Variants in CACNB1 observed in about 807,000 individuals in gnomAD.
CACNB1 encodes voltage-dependent L-type calcium channel subunit beta-1.
In CACNB1, 29 loss-of-function variants were observed where a neutral mutation model predicts 71.6. The observed-to-expected ratio is 0.40, with a 90% CI of 0.30 to 0.55. The LOEUF (loss-of-function observed/expected upper bound fraction) is 0.55, where lower values mean the gene tolerates loss of function less well. Ranked by LOEUF, CACNB1 falls within the 20% of genes least tolerant of loss-of-function variation. CACNB1 has a pLI of 0.38. For missense variants in CACNB1, 623 were observed against 801.8 expected, an observed-to-expected ratio of 0.78 and a Z score of 2.69; for synonymous variants, 300 against 319.6, an observed-to-expected ratio of 0.94 and a Z score of 0.65.
At position 39,191,604 on chromosome 17, in the gene CACNB1, A is replaced by G; in HGVS notation, c.172-11T>C. 6.2e-7 allele frequency: 1 copy of G among 1,608,056 alleles called. No homozygotes were observed. The highest frequency in any genetic ancestry group is 1.3e-5 in the African/African-American group (1 of 74,534). On this transcript the variant is annotated splice_polypyrimidine_tract_variant and intron_variant, in intron 2 of 13. Transcript: ENST00000394303. ...GGACTCCGCTGAGCCCTGAAAATAG[A>G]GAGAGCCAGATCAGGGCCATTGCTG...
chr17:39,187,686 T>G, intron 3 of CACNB1, 85 bp from the exon 4 acceptor site: 1 of 1,458,358 alleles, frequency 6.9e-7, no homozygotes, highest in Non-Finnish European at 9.6e-7. Flanking sequence ...TGGTGGTTAC[T>G]TGGATGTTTA....
intron 13 of CACNB1, 183 bp downstream of exon 13, chr17:39,177,167 G>C: frequency 2.1e-6 from 3 of 1,436,904 alleles, no homozygotes; most frequent in Non-Finnish European, 2.7e-6. Flanking sequence ...ACAAAATAAA[G>C]CTCTTCCCTT....
At position 39,173,562 on chromosome 17, in the gene CACNB1, GGT is replaced by G. The variant is rs149535039; in HGVS notation, c.*1629_*1630del. ...CTTTGGCTCTACTTGTGGAGAGACA[GGT>G]AAGTGAAGGGGCTCAGGGCCAGTGT... On this transcript the variant is annotated 3_prime_UTR_variant, in exon 14 of 14. Transcript: ENST00000394303. 0.052 allele frequency: 7,872 copies of G among 152,480 alleles called. 248 individuals are homozygous for G. Among genetic ancestry groups the G allele is most frequent in the East Asian group, 0.098 (518 of 5,308 alleles). The allele number at this position is 152,480 out of a possible 1,614,324, so 9.4% of individuals were successfully genotyped here. A position where few individuals can be genotyped will look rare whatever the true frequency, so the allele number is the denominator to read the frequency against.
At chr17:39,177,640 C>T in intron 12 of CACNB1, 105 bp from the exon 13 acceptor site, 5 of 902,280 alleles carry the variant, frequency 5.5e-6, no homozygotes, top group South Asian at 1.7e-5. Context: ...GATTGAAGGA[C>T]AAGGTTAAAA....
rs764915933 is a variant in CACNB1, at chr17:39,186,065, AGG to A, written c.628+429_628+430del. The A allele has an allele frequency of 6.2e-7, 1 of 1,613,864 alleles. No homozygotes were observed. The highest frequency in any genetic ancestry group is 1.1e-5 in the South Asian group (1 of 91,070). On this transcript the variant is annotated intron_variant, in intron 6 of 13. Coordinates refer to ENST00000394303, the MANE Select transcript of CACNB1 (RefSeq NM_000723.5). This position sits in a 1 kb window ranked among gnomAD's most constrained non-coding sequence, Gnocchi z 4.1. ...CTCAGCCTCTTCCTCCTCTAACTCT[AGG>A]GGGTCTAGTTCAAAGGCTAAGTTAG...
At chr17:39,188,385 G>C (rs1325699185) in intron 3 of CACNB1, among the ~76,000 whole-genome samples, 6 of 152,040 alleles carry the variant, frequency 3.9e-5, no homozygotes, top group Non-Finnish European at 7.4e-5. Flanking sequence ...GACCAGCCTA[G>C]CCAAGATGGT....
intron 3 of CACNB1, among the ~76,000 whole-genome samples, chr17:39,187,950 T>C (rs1167956185): frequency 6.6e-6 from 1 of 151,634 alleles, no homozygotes; most frequent in African/African-American, 2.4e-5. Context: ...AAGGTGGAGG[T>C]TGCAGTGAGC....
chr17:39,189,091 G>A (rs191949373), intron 3 of CACNB1, among the ~76,000 whole-genome samples: 1 of 151,782 alleles, frequency 6.6e-6, no homozygotes, highest in South Asian at 2.1e-4. Flanking sequence ...TAGGCCGGGC[G>A]CAATGGCTCA....
chr17:39,175,650 T>C lies in CACNB1; in HGVS notation c.1340A>G (p.Tyr447Cys). The change falls in exon 14 of 14, where the codon TAC (tyrosine) becomes TGC (cysteine). Residue 447 changes from tyrosine to cysteine, a missense_variant. Tyr to Cys is a radical substitution (Grantham distance 194, BLOSUM62 -2). Transcript: ENST00000394303. The surrounding 1 kb of genome is among the most constrained non-coding windows in gnomAD (Gnocchi z 4.7). ...PAPVSNLQGP[Y>C]LASGDQPLER... Reference sequence around the variant, plus strand: ...CAGTGGCTGGTCCCCGGAAGCAAGGTAGGGTCCCTGGTTAGCAGACGGACA... The same window carrying C: ...CAGTGGCTGGTCCCCGGAAGCAAGGCAGGGTCCCTGGTTAGCAGACGGACA... 6.4e-7 allele frequency: 1 copy of C among 1,562,066 alleles called. No individual in the cohort carries two copies. The highest frequency in any genetic ancestry group is 8.7e-7 in the Non-Finnish European group (1 of 1,153,326).
At position 39,194,518 on chromosome 17, in the gene CACNB1, C is replaced by T. The variant is rs1027492591; in HGVS notation, c.171+366G>A. On this transcript the variant is annotated intron_variant, in intron 2 of 13. Coordinates refer to ENST00000394303, the MANE Select transcript of CACNB1 (RefSeq NM_000723.5). This position sits in a 1 kb window ranked among gnomAD's most constrained non-coding sequence, Gnocchi z 4.6. ...TTTCCTAGGACCTGCCTCCACCCAA[C>T]CCTGTCACAGATTCTGGGGGAGGAC... Among the ~76,000 whole-genome samples, 12 of 152,174 alleles carry T rather than the reference C, an allele frequency of 7.9e-5. No homozygotes were observed. The highest frequency in any genetic ancestry group is 2.9e-4 in the African/African-American group (12 of 41,444).
intron 3 of CACNB1, among the ~76,000 whole-genome samples, chr17:39,188,767 G>A (rs11871079): frequency 0.021 from 3,271 of 152,256 alleles, 57 homozygotes; most frequent in Non-Finnish European, 0.035. Flanking sequence ...AGCAGGCCGG[G>A]CACGGTGGCT....
At chr17:39,190,147 C>G (rs1339018799) in intron 3 of CACNB1, among the ~76,000 whole-genome samples, 1 of 151,752 alleles carries the variant, frequency 6.6e-6, no homozygotes, top group Non-Finnish European at 1.5e-5. Flanking sequence ...AGGGGCTGGG[C>G]ACAGTGGCCC....
chr17:39,194,464 T>C lies in CACNB1; in HGVS notation c.171+420A>G, dbSNP rs2046160614. On this transcript the variant is annotated intron_variant, in intron 2 of 13. Coordinates refer to ENST00000394303, the MANE Select transcript of CACNB1 (RefSeq NM_000723.5). The surrounding 1 kb of genome is among the most constrained non-coding windows in gnomAD (Gnocchi z 4.6). ...TCCCTGGCCAGGACCTCACCAGGAC[T>C]ACAGGGACCCAAACATCCTTGCTCT... 1.3e-5 allele frequency among the ~76,000 whole-genome samples: 2 copies of C among 152,144 alleles called. No homozygotes were observed. The highest frequency in any genetic ancestry group is 4.8e-5 in the African/African-American group (2 of 41,426).
In CACNB1 at chr17:39,185,883, CCCCTT is replaced by C. The variant is rs1232100720; in HGVS notation, c.628+608_628+612del. ...GTACCACATCTGAATCCATTACAGC[CCCCTT>C]CCCTCCACCAAAGTGCTGGCCCTGA... On this transcript the variant is annotated intron_variant, in intron 6 of 13. Transcript: ENST00000394303. The C allele has an allele frequency of 3.9e-5, 60 of 1,531,076 alleles. No individual in the cohort carries two copies. In the African/African-American group the frequency reaches 7.6e-4, roughly 19 times the overall value. 94.8% of individuals were successfully genotyped at this position (1,531,076 alleles called of 1,614,324 possible).
At chr17:39,195,143 A>T in intron 1 of CACNB1, 173 bp from the exon 2 acceptor site, 2 of 570,946 alleles carry the variant, frequency 3.5e-6, no homozygotes, top group East Asian at 6.0e-5. Context: ...AGGGTCTCCC[A>T]TCCTCACGGA....
At chr17:39,191,682 T>A in intron 2 of CACNB1, 89 bp from the exon 3 acceptor site, 1 of 1,402,052 alleles carries the variant, frequency 7.1e-7, no homozygotes, top group Non-Finnish European at 9.7e-7. Context: ...CCATCATGGA[T>A]GCCTCGAGCC....
chr17:39,191,787 T>C, intron 2 of CACNB1, 194 bp from the exon 3 acceptor site: 1 of 566,806 alleles, frequency 1.8e-6, no homozygotes, highest in South Asian at 2.4e-5. Context: ...CTGGGGAAAG[T>C]GTGGCCCTAG....
intron 11 of CACNB1, among the ~76,000 whole-genome samples, chr17:39,182,729 A>G (rs1273360455): frequency 2.6e-5 from 4 of 151,236 alleles, no homozygotes; most frequent in African/African-American, 7.3e-5. Flanking sequence ...ATAAATAAAT[A>G]AATAAATAAA....
chr17:39,179,457 T>C (rs1165822674), intron 11 of CACNB1, among the ~76,000 whole-genome samples: 4 of 150,908 alleles, frequency 2.7e-5, no homozygotes, highest in African/African-American at 9.8e-5. Flanking sequence ...GGCAGGTGCC[T>C]GTAGACCCAG....
Sources: allele counts gnomAD v4.1 joint callset (sites outside exome capture counted in the v4.1 genomes callset), GRCh38; gene constraint gnomAD v4.1.1; non-coding constraint Gnocchi (gnomAD v3.1); transcripts MANE v1.5; gene names NCBI Gene and HGNC (gene_info 2026-07-23, HGNC 2026-07-21).